CLEC6A: variants seen among roughly 807,000 people sequenced by gnomAD.
CLEC6A encodes C-type lectin domain containing 6A.
CLEC6A carries 22 observed loss-of-function variants against 25.7 expected under a neutral mutation model. That is an observed-to-expected ratio of 0.85 (90% CI 0.61 to 1.22). The LOEUF is 1.22. CLEC6A is among the 50% of genes most tolerant of loss of function. CLEC6A has a pLI of 0.00. For missense variants in CLEC6A, 240 were observed against 236.8 expected, an observed-to-expected ratio of 1.01 and a Z score of -0.09; for synonymous variants, 92 against 76.7, an observed-to-expected ratio of 1.20 and a Z score of -1.04.
In CLEC6A at chr12:8,465,611, C is replaced by A; in HGVS notation, c.351C>A (p.Phe117Leu). ...AGATGGGAGCACATTTGGTTGTGTTCAACACAGAAGCAGAGCAGGTACTGT... is the reference window on the plus strand; with the variant it reads ...AGATGGGAGCACATTTGGTTGTGTTAAACACAGAAGCAGAGCAGGTACTGT... ...CVEMGAHLVV[F>L]NTEAEQNFIV... is the part of the protein sequence containing the mutation. The change falls in exon 4 of 6, where the codon TTC becomes TTA. Residue 117 changes from phenylalanine (F) to leucine (L), a missense_variant. Phe to Leu is a conservative substitution (Grantham distance 22). Transcript: ENST00000382073. 1 of 1,612,870 alleles carries A rather than the reference C, an allele frequency of 6.2e-7. No individual in the cohort carries two copies. The highest frequency in any genetic ancestry group is 8.5e-7 in the Non-Finnish European group (1 of 1,179,376).
intron 3 of CLEC6A, among the ~76,000 whole-genome samples, 199 bp from the exon 4 acceptor site, chr12:8,465,285 C>T (rs183909017): frequency 1.3e-5 from 2 of 150,930 alleles, no homozygotes; most frequent in Admixed American, 1.3e-4. Flanking sequence ...AGAAATTCTG[C>T]AGGTAAACTT....
rs746039181 is a variant in CLEC6A at position 8,465,602 on chromosome 12, G to C, written c.342G>C (p.Leu114Phe). The C allele has an allele frequency of 8.1e-6, 13 of 1,613,244 alleles. No homozygotes were observed. The highest frequency in any genetic ancestry group is 1.1e-5 in the Non-Finnish European group (13 of 1,179,646). Reference protein sequence around the residue: ...EQNCVEMGAHLVVFNTEAEQN... With the variant: ...EQNCVEMGAHFVVFNTEAEQN... Reference sequence around the variant, plus strand: ...ACTGTGTTGAGATGGGAGCACATTTGGTTGTGTTCAACACAGAAGCAGAGC... The same window carrying C: ...ACTGTGTTGAGATGGGAGCACATTTCGTTGTGTTCAACACAGAAGCAGAGC... The change falls in exon 4 of 6, where the codon TTG becomes TTC. Residue 114 changes from leucine to phenylalanine, a missense_variant. Physicochemically the swap from Leu to Phe is conservative, Grantham distance 22. Coordinates refer to ENST00000382073, the MANE Select transcript of CLEC6A (RefSeq NM_001007033.2).
At chr12:8,470,663 C>T (rs1211745246) in intron 4 of CLEC6A, among the ~76,000 whole-genome samples, 5 of 152,188 alleles carry the variant, frequency 3.3e-5, no homozygotes, top group South Asian at 2.1e-4. Context: ...AACCAAACAT[C>T]GTATATTCTC....
chr12:8,463,934 C>T (rs957975854), intron 3 of CLEC6A, among the ~76,000 whole-genome samples: 3 of 152,132 alleles, frequency 2.0e-5, no homozygotes, highest in African/African-American at 7.2e-5. Flanking sequence ...TTCACATGTT[C>T]AACTTACAAA....
intron 4 of CLEC6A, among the ~76,000 whole-genome samples, chr12:8,467,764 T>C (rs1220338040): frequency 6.6e-6 from 1 of 152,188 alleles, no homozygotes; most frequent in African/African-American, 2.4e-5. Flanking sequence ...ACTCTTTAGA[T>C]TGCATTTTAA....
chr12:8,473,889 G>C (rs1314611747), intron 4 of CLEC6A, among the ~76,000 whole-genome samples: 2 of 151,930 alleles, frequency 1.3e-5, no homozygotes, highest in Non-Finnish European at 2.9e-5. Flanking sequence ...AGAAGTGTCT[G>C]TTTATGTCTT....
chr12:8,457,045 G>C (rs931336578), intron 1 of CLEC6A, among the ~76,000 whole-genome samples: 1 of 152,036 alleles, frequency 6.6e-6, no homozygotes, highest in Non-Finnish European at 1.5e-5. Flanking sequence ...AGGAGGTGGA[G>C]GTTGCAGGGT....
chr12:8,475,431 C>T (rs78827859), intron 4 of CLEC6A, among the ~76,000 whole-genome samples: 2,059 of 151,700 alleles, frequency 0.014, 53 homozygotes, highest in African/African-American at 0.047. Flanking sequence ...CACATGATTA[C>T]GTAGGCTAAG....
At chr12:8,458,534 A>G (rs1357139177) in intron 2 of CLEC6A, among the ~76,000 whole-genome samples, 1 of 152,192 alleles carries the variant, frequency 6.6e-6, no homozygotes, top group African/African-American at 2.4e-5. Flanking sequence ...TTCCTCTCCG[A>G]TTCACAATTT....
chr12:8,466,145 T>A (rs924534920), intron 4 of CLEC6A, among the ~76,000 whole-genome samples: 1 of 152,382 alleles, frequency 6.6e-6, no homozygotes, highest in African/African-American at 2.4e-5. Flanking sequence ...TACACTGTGA[T>A]GATTTGATAT....
chr12:8,471,418 CT>C (rs900502949), intron 4 of CLEC6A, among the ~76,000 whole-genome samples: 3 of 151,586 alleles, frequency 2.0e-5, no homozygotes, highest in African/African-American at 2.4e-5. Context: ...TGATTCTGGG[CT>C]TTTTTTTGTT....
intron 1 of CLEC6A, among the ~76,000 whole-genome samples, chr12:8,456,490 C>T (rs1939676429): frequency 6.6e-6 from 1 of 152,156 alleles, no homozygotes; most frequent in African/African-American, 2.4e-5. Flanking sequence ...AGTACTCTTT[C>T]CAATTACCCT....
chr12:8,464,469 A>C (rs1053858656), intron 3 of CLEC6A, among the ~76,000 whole-genome samples: 3 of 151,942 alleles, frequency 2.0e-5, no homozygotes, highest in Non-Finnish European at 4.4e-5. Flanking sequence ...GCTGGGACTA[A>C]AGGCGTCCGC....
At chr12:8,470,723 A>G (rs1403980187) in intron 4 of CLEC6A, among the ~76,000 whole-genome samples, 2 of 152,146 alleles carry the variant, frequency 1.3e-5, no homozygotes, top group Non-Finnish European at 2.9e-5. Context: ...TAAGAATAAT[A>G]TAATGGACTT....
chr12:8,461,933 G>C lies in CLEC6A; in HGVS notation c.223+2235G>C, dbSNP rs763334671. On this transcript the variant is annotated intron_variant, in intron 3 of 5. Transcript: ENST00000382073. ...ATGCCCTCCAATACAGTTTAATTTT[G>C]TGGGGAAAAGAAAGAGCGATCAGAT... 6.6e-5 allele frequency among the ~76,000 whole-genome samples: 10 copies of C among 152,310 alleles called. 1 individual carries two copies. In the South Asian group the frequency reaches 2.1e-3, roughly 32 times the overall value.
chr12:8,463,598 T>C (rs1259822422), intron 3 of CLEC6A, among the ~76,000 whole-genome samples: 1 of 152,222 alleles, frequency 6.6e-6, no homozygotes, highest in East Asian at 1.9e-4. Flanking sequence ...TAATGGTTTG[T>C]AAACTGAGAA....
intron 4 of CLEC6A, among the ~76,000 whole-genome samples, chr12:8,471,926 C>G (rs554367761): frequency 2.0e-5 from 3 of 152,144 alleles, no homozygotes; most frequent in Admixed American, 6.6e-5. Context: ...ATGATGAGCA[C>G]TTTTCTCTTG....
intron 2 of CLEC6A, among the ~76,000 whole-genome samples, chr12:8,458,921 T>C (rs1435426621): frequency 6.6e-6 from 1 of 152,200 alleles, no homozygotes; most frequent in Non-Finnish European, 1.5e-5. Context: ...TTGCTGAAAG[T>C]GAACATTAAC....
At chr12:8,468,214 A>T (rs1224107017) in intron 4 of CLEC6A, among the ~76,000 whole-genome samples, 1 of 152,224 alleles carries the variant, frequency 6.6e-6, no homozygotes, top group African/African-American at 2.4e-5. Context: ...AAGGGCTGGG[A>T]TTACAGGCGT....
Sources: gnomAD v4.1 joint callset for allele counts (sites outside exome capture counted in the v4.1 genomes callset) on GRCh38, gnomAD v4.1.1 for gene constraint, MANE v1.5 for transcripts, NCBI Gene and HGNC (gene_info 2026-07-23, HGNC 2026-07-21) for gene names.